Variants in NUP188 observed in about 807,000 individuals in gnomAD.
NUP188 encodes the protein nucleoporin 188, also known as nucleoporin NUP188.
NUP188 carries 97 observed loss-of-function variants against 223.0 expected under a neutral mutation model. The observed-to-expected ratio is 0.43, with a 90% CI of 0.37 to 0.51. The LOEUF (loss-of-function observed/expected upper bound fraction) is 0.51. NUP188 is among the 20% of genes least tolerant of loss of function. The pLI, the probability that NUP188 is intolerant of heterozygous loss-of-function variation, is 0.00. For missense variants in NUP188, 1,947 were observed against 2,175.6 expected (o/e 0.89, Z 2.09); for synonymous variants, 869 against 828.0 (o/e 1.05, Z -0.85).
intron 31 of NUP188, 53 bp downstream of exon 31, chr9:128,998,281 T>G: frequency 6.8e-7 from 1 of 1,474,044 alleles, no homozygotes; most frequent in Non-Finnish European, 9.5e-7. Context: ...GTCTTTGAAG[T>G]CAAATAGCAG....
intron 1 of NUP188, chr9:128,948,892 A>C (rs1253972056): frequency 5.3e-6 from 1 of 188,298 alleles, no homozygotes; most frequent in Non-Finnish European, 1.1e-5. Context: ...CGCCTGGCTA[A>C]TTTTTTGTAT....
chr9:128,998,281 T>C, intron 31 of NUP188, 53 bp downstream of exon 31: 1 of 1,474,044 alleles, frequency 6.8e-7, no homozygotes, highest in Non-Finnish European at 9.5e-7. Context: ...GTCTTTGAAG[T>C]CAAATAGCAG....
intron 23 of NUP188, 66 bp downstream of exon 23, chr9:128,987,783 A>T: frequency 1.3e-6 from 2 of 1,568,944 alleles, no homozygotes; most frequent in Non-Finnish European, 1.7e-6. Context: ...TAATAACTCC[A>T]GTTTAAGTTA....
intron 8 of NUP188, among the ~76,000 whole-genome samples, chr9:128,964,073 C>G (rs1203512557): frequency 1.3e-5 from 2 of 152,054 alleles, no homozygotes; most frequent in Non-Finnish European, 2.9e-5. Flanking sequence ...CTAGGCCTCC[C>G]AAAGTGCTGG....
intron 24 of NUP188, 79 bp from the exon 25 acceptor site, chr9:128,990,041 G>A: frequency 9.2e-7 from 1 of 1,083,902 alleles, no homozygotes; most frequent in Non-Finnish European, 1.4e-6. Context: ...CACACTGTGG[G>A]TCTTTTTTGA....
intron 15 of NUP188, among the ~76,000 whole-genome samples, chr9:128,981,978 A>G (rs981769776): frequency 5.1e-4 from 78 of 151,646 alleles, no homozygotes; most frequent in African/African-American, 1.8e-3. Context: ...TCGGGAGGCT[A>G]AGACAGGAGA....
rs565319807 is a variant in NUP188 at position 129,004,231 on chromosome 9, C to T, written c.4434+777C>T. Among the ~76,000 whole-genome samples, 5 of 146,154 alleles carry T rather than the reference C, an allele frequency of 3.4e-5. No homozygotes were observed. The East Asian group carries it at 6.5e-4, about 19-fold the overall frequency. ...TCAGGAGGTGGAGGTTGCAGTGAGC[C>T]GAGGTCACGCCACTGCACTCCAGCC... On this transcript the variant is annotated intron_variant, in intron 38 of 43. Coordinates refer to ENST00000372577, the MANE Select transcript of NUP188 (RefSeq NM_015354.3).
Position 128,949,121 on chromosome 9 carries a change from CTA to C in NUP188, c.33-66_33-65del. On this transcript the variant is annotated intron_variant, in intron 1 of 43. Transcript: ENST00000372577. ...TGCTTTTAGAGAGCAGACAAAATGG[CTA>C]TGAGGCAGTGTACAAGTTTGTATGA... 12 of 1,146,272 alleles carry C rather than the reference CTA, an allele frequency of 1.0e-5. No homozygotes were observed. The South Asian group carries it at 1.6e-4, about 15-fold the overall frequency. 71.0% of individuals were successfully genotyped at this position (1,146,272 alleles called of 1,614,324 possible). A position where few individuals can be genotyped will look rare whatever the true frequency, so the allele number is the denominator to read the frequency against.
At position 129,006,971 on chromosome 9, in the gene NUP188, G is replaced by A. The variant is rs1842825565; in HGVS notation, c.*293G>A. 3 of 331,612 alleles carry A rather than the reference G, an allele frequency of 9.0e-6. No homozygotes were observed. The highest frequency in any genetic ancestry group is 1.7e-5 in the Non-Finnish European group (3 of 181,758). 20.5% of individuals were successfully genotyped at this position (331,612 alleles called of 1,614,324 possible). On this transcript the variant is annotated 3_prime_UTR_variant, in exon 44 of 44. Coordinates refer to ENST00000372577, the MANE Select transcript of NUP188 (RefSeq NM_015354.3). ...ATTCCCCACAGCACTGCCGGCCAGGGGAGAGGCGGCAGCCCAGCAGAGGGC... is the reference window on the plus strand; with the variant it reads ...ATTCCCCACAGCACTGCCGGCCAGGAGAGAGGCGGCAGCCCAGCAGAGGGC...
chr9:128,949,112 A>T (rs1383507462), intron 1 of NUP188, 77 bp from the exon 2 acceptor site: 22 of 1,072,264 alleles, frequency 2.1e-5, no homozygotes, highest in Non-Finnish European at 3.1e-5. Flanking sequence ...TAGAGAGCAG[A>T]CAAAATGGCT....
rs1588295366 is a variant in NUP188 at position 129,003,300 on chromosome 9, G to A, written c.4297-17G>A. 2 of 1,595,952 alleles carry A rather than the reference G, an allele frequency of 1.3e-6. No individual in the cohort carries two copies. The highest frequency in any genetic ancestry group is 1.7e-6 in the Non-Finnish European group (2 of 1,176,268). On this transcript the variant is annotated splice_polypyrimidine_tract_variant and intron_variant, in intron 37 of 43. Coordinates refer to ENST00000372577, the MANE Select transcript of NUP188 (RefSeq NM_015354.3). ...TCAGCCATCCCCATCTTTCCCTGAT[G>A]TGTGCTTTCCTCCCAGTGCCTCAAC...
intron 22 of NUP188, among the ~76,000 whole-genome samples, chr9:128,987,082 AGAGAGAGTGTGTGT>A (rs1394773895): frequency 3.8e-5 from 5 of 131,866 alleles, no homozygotes; most frequent in African/African-American, 1.2e-4. Flanking sequence ...AGAGAGAGAG[AGAGAGAGTGTGTGT>A]GTGTGTGTGT....
At position 128,954,902 on chromosome 9, in the gene NUP188, C is replaced by T. The variant is rs189190892; in HGVS notation, c.162-1448C>T. On this transcript the variant is annotated intron_variant, in intron 3 of 43. Transcript: ENST00000372577. ...GAGTTTCGCTCTTGTTGCCCATGCT[C>T]GCGTGCAATGGTGCGATTTCAGCTC... Among the ~76,000 whole-genome samples the T allele has an allele frequency of 2.7e-3, 404 of 150,194 alleles. 4 individuals are homozygous for T. The highest frequency in any genetic ancestry group is 9.3e-3 in the African/African-American group (381 of 40,794).
chr9:128,994,738 C>A, intron 28 of NUP188, 118 bp from the exon 29 acceptor site: 1 of 848,374 alleles, frequency 1.2e-6, no homozygotes. Context: ...TCACATTCAA[C>A]AGGGGTTGTG....
rs1216938267 is a variant in NUP188, at chr9:128,990,223, C to T, written c.2637C>T (p.Ala879=). 5 of 1,611,342 alleles carry T rather than the reference C, an allele frequency of 3.1e-6. No individual in the cohort carries two copies. Among genetic ancestry groups the T allele is most frequent in the Non-Finnish European group, 4.2e-6 (5 of 1,177,570 alleles). ...RLAIQLLKRL[A]TVAPMSVYAC... is the part of the protein sequence containing the mutation. ...CCATTCAGCTGCTGAAACGTCTGGC[C>T]ACGGTAGGATCGTACTTCATGCACA... Residue 879 remains alanine (A), a synonymous_variant, in exon 25 of 44, where the codon GCC becomes GCT. Transcript: ENST00000372577.
At chr9:128,988,335 C>A in intron 24 of NUP188, 149 bp downstream of exon 24, 1 of 866,756 alleles carries the variant, frequency 1.2e-6, no homozygotes, top group Non-Finnish European at 1.8e-6. Context: ...AGCTCCTTTC[C>A]TGAAATTGGA....
intron 10 of NUP188, 52 bp from the exon 11 acceptor site, chr9:128,970,706 G>T: frequency 6.7e-7 from 1 of 1,488,678 alleles, no homozygotes; most frequent in Non-Finnish European, 9.4e-7. Flanking sequence ...CTGGTCGAGG[G>T]ATATTAACAC....
rs192191433 is a variant in NUP188, at chr9:128,985,877, A to G, written c.2077-681A>G. Among the ~76,000 whole-genome samples the G allele has an allele frequency of 2.4e-3, 370 of 152,198 alleles. 1 individual carries two copies. The highest frequency in any genetic ancestry group is 8.6e-3 in the African/African-American group (359 of 41,520). On this transcript the variant is annotated intron_variant, in intron 20 of 43. Transcript: ENST00000372577. ...AACATGGTGAAACCTCATCTCTACT[A>G]AAAATACAAAAATTAGCTGGGCGTG...
intron 13 of NUP188, among the ~76,000 whole-genome samples, chr9:128,979,767 G>A (rs895954472): frequency 5.9e-5 from 9 of 152,114 alleles, no homozygotes; most frequent in Admixed American, 1.3e-4. Flanking sequence ...CAAGTAGCTG[G>A]GATTACAGGC....
Sources: gnomAD v4.1 joint callset for allele counts (sites outside exome capture counted in the v4.1 genomes callset) on GRCh38, gnomAD v4.1.1 for gene constraint, MANE v1.5 for transcripts, NCBI Gene and HGNC (gene_info 2026-07-23, HGNC 2026-07-21) for gene names.